Variants in LRBA observed in about 807,000 individuals in gnomAD.
LRBA encodes LPS responsive beige-like anchor protein, also known as lipopolysaccharide-responsive and beige-like anchor protein.
Under a neutral mutation model 330.0 loss-of-function variants are expected in LRBA, and 176 were observed. The observed-to-expected ratio is 0.53, with a 90% CI of 0.47 to 0.60. LRBA has a LOEUF of 0.60. Among genes scored for constraint, LRBA ranks in the 20% least tolerant of loss-of-function variants. The pLI is 0.00. For synonymous variants in LRBA, 1,230 were observed against 1,193.0 expected, an observed-to-expected ratio of 1.03 and a Z score of -0.64; for missense variants, 3,259 against 3,444.8, an observed-to-expected ratio of 0.95 and a Z score of 1.35.
chr4:150,510,950 G>C (rs895095969), intron 40 of LRBA, among the ~76,000 whole-genome samples: 1 of 152,048 alleles, frequency 6.6e-6, no homozygotes, highest in Non-Finnish European at 1.5e-5. Flanking sequence ...CCGCCTCCCG[G>C]GTTCAAGCGA....
At chr4:150,549,803 C>G (rs1418360632) in intron 40 of LRBA, among the ~76,000 whole-genome samples, 1 of 152,146 alleles carries the variant, frequency 6.6e-6, no homozygotes, top group African/African-American at 2.4e-5. Context: ...CTGAAGAAAG[C>G]TTTTTTAGAG....
chr4:150,639,459 C>T (rs1016276287), intron 37 of LRBA, among the ~76,000 whole-genome samples: 3 of 147,636 alleles, frequency 2.0e-5, no homozygotes, highest in Non-Finnish European at 3.0e-5. Flanking sequence ...AAATAATGCA[C>T]TTTCTACCCC....
At chr4:150,769,878 G>A (rs1736311841) in intron 34 of LRBA, among the ~76,000 whole-genome samples, 1 of 152,104 alleles carries the variant, frequency 6.6e-6, no homozygotes, top group African/African-American at 2.4e-5. Context: ...TACCTAACAT[G>A]ATACAACTAT....
At chr4:150,455,927 T>C (rs1273650661) in intron 44 of LRBA, among the ~76,000 whole-genome samples, 2 of 152,166 alleles carry the variant, frequency 1.3e-5, no homozygotes, top group Non-Finnish European at 2.9e-5. Context: ...GTGATGTTTG[T>C]CTGTCTGTGC....
At chr4:150,655,855 C>A (rs1011826735) in intron 37 of LRBA, among the ~76,000 whole-genome samples, 19 of 152,198 alleles carry the variant, frequency 1.2e-4, no homozygotes, top group African/African-American at 4.3e-4. Flanking sequence ...CATGGAACCT[C>A]AAGGGTCTTC....
chr4:150,454,659 G>A lies in LRBA; in HGVS notation c.6780+13014C>T, dbSNP rs183601331. Among the ~76,000 whole-genome samples the A allele has an allele frequency of 6.0e-4, 92 of 152,108 alleles. 1 individual carries two copies. The highest frequency in any genetic ancestry group is 2.4e-3 in the Admixed American group (37 of 15,256). On this transcript the variant is annotated intron_variant, in intron 44 of 56. Coordinates refer to ENST00000651943, the MANE Select transcript of LRBA (RefSeq NM_001364905.1). Reference sequence around the variant, plus strand: ...TTAAGTGGATGAGTTATATAGTAGTGAAGTCTGGGCTTTTAGTATACTTGT... The same window carrying A: ...TTAAGTGGATGAGTTATATAGTAGTAAAGTCTGGGCTTTTAGTATACTTGT...
intron 40 of LRBA, among the ~76,000 whole-genome samples, chr4:150,529,750 C>T (rs10013352): frequency 0.24 from 35,547 of 150,754 alleles, 4,450 homozygotes; most frequent in African/African-American, 0.33. Context: ...AAAATAATAA[C>T]CAGCTTAAGA....
chr4:150,825,188 T>G (rs1287452105), intron 30 of LRBA, among the ~76,000 whole-genome samples: 1 of 152,194 alleles, frequency 6.6e-6, no homozygotes, highest in South Asian at 2.1e-4. Context: ...AAAAGAAATG[T>G]AAACAATGTA....
At chr4:150,901,990 T>C (rs1199208323) in intron 13 of LRBA, among the ~76,000 whole-genome samples, 1 of 152,066 alleles carries the variant, frequency 6.6e-6, no homozygotes. Flanking sequence ...ACATATGCTG[T>C]CCCTAAGTAG....
At chr4:150,552,759 A>G (rs938568993) in intron 40 of LRBA, among the ~76,000 whole-genome samples, 3 of 152,100 alleles carry the variant, frequency 2.0e-5, no homozygotes, top group Non-Finnish European at 4.4e-5. Flanking sequence ...AATGTCCATC[A>G]ATGATAGACT....
At chr4:150,727,389 A>G (rs547451547) in intron 36 of LRBA, among the ~76,000 whole-genome samples, 31 of 152,150 alleles carry the variant, frequency 2.0e-4, no homozygotes, top group African/African-American at 7.2e-4. Flanking sequence ...TTTACAGAAC[A>G]TTGCATCCAG....
At chr4:150,491,912 A>G (rs902762948) in intron 40 of LRBA, among the ~76,000 whole-genome samples, 4 of 152,208 alleles carry the variant, frequency 2.6e-5, no homozygotes, top group African/African-American at 4.8e-5. Context: ...TGCACTTGCT[A>G]TCAAAACCTG....
chr4:150,445,811 C>T (rs1752551291), intron 44 of LRBA, among the ~76,000 whole-genome samples: 1 of 151,904 alleles, frequency 6.6e-6, no homozygotes, highest in South Asian at 2.1e-4. Context: ...ACTACAGGTG[C>T]ATGCTACCAC....
Position 150,828,174 on chromosome 4 carries a change from C to T in LRBA, c.5171+6G>A. Reference sequence around the variant, plus strand: ...ACATACCAAAACGAAAAACTATTATCAGTACCTGTCAAAAGATCTGAACTG... The same window carrying T: ...ACATACCAAAACGAAAAACTATTATTAGTACCTGTCAAAAGATCTGAACTG... On this transcript the variant is annotated splice_donor_region_variant and intron_variant, in intron 30 of 56. Coordinates refer to ENST00000651943, the MANE Select transcript of LRBA (RefSeq NM_001364905.1). 1 of 1,612,272 alleles carries T rather than the reference C, an allele frequency of 6.2e-7. No individual in the cohort carries two copies. The highest frequency in any genetic ancestry group is 8.5e-7 in the Non-Finnish European group (1 of 1,178,712).
intron 47 of LRBA, among the ~76,000 whole-genome samples, chr4:150,394,349 C>T (rs1237157635): frequency 6.6e-6 from 1 of 152,086 alleles, no homozygotes; most frequent in African/African-American, 2.4e-5. Context: ...TATAAAATTA[C>T]AGAGGCAGTT....
intron 47 of LRBA, among the ~76,000 whole-genome samples, chr4:150,373,887 C>G (rs888830518): frequency 3.9e-5 from 6 of 152,284 alleles, no homozygotes. Flanking sequence ...CTCATACCAT[C>G]TAAAAATATG....
chr4:150,750,913 TAA>T (rs34872494), intron 35 of LRBA, among the ~76,000 whole-genome samples: 39 of 137,568 alleles, frequency 2.8e-4, no homozygotes, highest in African/African-American at 8.8e-4. Flanking sequence ...GAAAAATCTT[TAA>T]AAAAAAAAAA....
intron 2 of LRBA, among the ~76,000 whole-genome samples, chr4:151,005,542 T>C (rs1048225596): frequency 2.0e-5 from 3 of 147,684 alleles, no homozygotes; most frequent in Admixed American, 1.4e-4. Context: ...AAGAGACTTT[T>C]GAAAATAATG....
chr4:150,950,636 G>C (rs1198553412), intron 2 of LRBA, among the ~76,000 whole-genome samples: 5 of 152,018 alleles, frequency 3.3e-5, no homozygotes, highest in African/African-American at 1.2e-4. Flanking sequence ...CTTATGTAGG[G>C]AGATTTATCA....
Sources: gnomAD v4.1 joint callset for allele counts (sites outside exome capture counted in the v4.1 genomes callset) on GRCh38, gnomAD v4.1.1 for gene constraint, MANE v1.5 for transcripts, NCBI Gene and HGNC (gene_info 2026-07-23, HGNC 2026-07-21) for gene names.